Variants in BRSK1 observed in about 807,000 individuals in gnomAD.
BRSK1 encodes the protein BR serine/threonine kinase 1.
In BRSK1, 17 loss-of-function variants were observed where a neutral mutation model predicts 86.2. That is an observed-to-expected ratio of 0.20 (90% CI 0.14 to 0.30). The LOEUF (loss-of-function observed/expected upper bound fraction) is 0.30. Ranked by LOEUF, BRSK1 falls within the 10% of genes least tolerant of loss-of-function variation. The pLI is 1.00. For synonymous variants in BRSK1, 464 were observed against 440.1 expected, an observed-to-expected ratio of 1.05 and a Z score of -0.68; for missense variants, 719 against 1,071.9, an observed-to-expected ratio of 0.67 and a Z score of 4.60.
chr19:55,307,564 AAAG>A (rs1796956171), intron 17 of BRSK1, among the ~76,000 whole-genome samples: 1 of 149,482 alleles, frequency 6.7e-6, no homozygotes, highest in African/African-American at 2.5e-5. Flanking sequence ...AAAAAAAAAA[AAAG>A]GCTAATATGC....
chr19:55,304,918 A>G lies in BRSK1; in HGVS notation c.1715A>G (p.Gln572Arg), dbSNP rs1187399984. 2 of 1,607,068 alleles carry G rather than the reference A, an allele frequency of 1.2e-6. No homozygotes were observed. The highest frequency in any genetic ancestry group is 1.7e-6 in the Non-Finnish European group (2 of 1,179,682). The change falls in exon 14 of 19, where the codon CAG becomes CGG. Residue 572 changes from glutamine (Q) to arginine (R), a missense_variant and splice_region_variant. By Grantham distance (43) the Gln-to-Arg change is conservative (BLOSUM62 1). Transcript: ENST00000309383. The surrounding 1 kb of genome is among the most constrained non-coding windows in gnomAD (Gnocchi z 5.2). ...CCTCGCTTTCACCGGCGCAAGATGC[A>G]GGGTATGGGGGCATGAACTGCCGAG... The part of the protein sequence containing the change: ...GSPRFHRRKM[Q>R]VPTAEEMSSL...
chr19:55,289,686 T>C (rs2088375520), intron 4 of BRSK1, 66 bp downstream of exon 4: 1 of 1,568,606 alleles, frequency 6.4e-7, no homozygotes, highest in Admixed American at 1.9e-5. Flanking sequence ...CTTGGGGGCA[T>C]GTGGAGGGCT....
At position 55,284,117 on chromosome 19, in the gene BRSK1, C is replaced by T; in HGVS notation, c.-326C>T. ...GGGGGGGACCTCGGCCTGCAGCATC[C>T]GCCGGCCCGCACCTCAGACCCCCCC... On this transcript the variant is annotated 5_prime_UTR_variant, in exon 1 of 19. Transcript: ENST00000309383. 1 of 1,197,150 alleles carries T rather than the reference C, an allele frequency of 8.4e-7. No homozygotes were observed. The allele number at this position is 1,197,150 out of a possible 1,614,324, so 74.2% of individuals were successfully genotyped here. A position where few individuals can be genotyped will look rare whatever the true frequency, so the allele number is the denominator to read the frequency against.
chr19:55,311,821 C>T (rs2088803900), intron 18 of BRSK1, 90 bp from the exon 19 acceptor site: 3 of 1,390,112 alleles, frequency 2.2e-6, no homozygotes, highest in Non-Finnish European at 3.0e-6. Context: ...CTGAGACCGA[C>T]TGATGAGGAG....
rs749498500 is a variant in BRSK1 at position 55,294,266 on chromosome 19, G to T, written c.609+19G>T. 1.9e-6 allele frequency: 3 copies of T among 1,614,170 alleles called. 1 individual carries two copies. Among genetic ancestry groups the T allele is most frequent in the Non-Finnish European group, 2.5e-6 (3 of 1,180,022 alleles). Reference sequence around the variant, plus strand: ...GATTAAGGTGAGTGAGGGGCGGATAGAGGGGAGAGGGGTGGAGGCAGCAGT... The same window carrying T: ...GATTAAGGTGAGTGAGGGGCGGATATAGGGGAGAGGGGTGGAGGCAGCAGT... On this transcript the variant is annotated intron_variant, in intron 6 of 18. Coordinates refer to ENST00000309383, the MANE Select transcript of BRSK1 (RefSeq NM_032430.2). The surrounding 1 kb of genome is among the most constrained non-coding windows in gnomAD (Gnocchi z 4.9).
intron 7 of BRSK1, among the ~76,000 whole-genome samples, chr19:55,296,705 G>A (rs964066561): frequency 3.9e-5 from 6 of 152,210 alleles, no homozygotes; most frequent in East Asian, 3.9e-4. Context: ...AAAATTAGCC[G>A]GGAGTGGTGG....
Position 55,284,329 on chromosome 19 carries a change from G to C in BRSK1, c.-114G>C. ...GCCCCCTGGGGACCCCCGGAGAGGT[G>C]GGGGGCAGCCGGGGGGGCCGGGACG... On this transcript the variant is annotated 5_prime_UTR_variant, in exon 1 of 19. Coordinates refer to ENST00000309383, the MANE Select transcript of BRSK1 (RefSeq NM_032430.2). 1.1e-6 allele frequency: 1 copy of C among 881,468 alleles called. No homozygotes were observed. The allele number at this position is 881,468 out of a possible 1,614,324, so 54.6% of individuals were successfully genotyped here. A position where few individuals can be genotyped will look rare whatever the true frequency, so the allele number is the denominator to read the frequency against.
At chr19:55,292,332 A>G (rs1306730286) in intron 4 of BRSK1, among the ~76,000 whole-genome samples, 2 of 152,180 alleles carry the variant, frequency 1.3e-5, no homozygotes, top group Admixed American at 1.3e-4. Context: ...AAAATAGCTC[A>G]CTTTGTACAT....
In BRSK1 at chr19:55,304,804, C is replaced by A; in HGVS notation, c.1601C>A (p.Thr534Lys). 6.4e-7 allele frequency: 1 copy of A among 1,574,428 alleles called. No individual in the cohort carries two copies. The highest frequency in any genetic ancestry group is 8.6e-7 in the Non-Finnish European group (1 of 1,163,838). ...GCCAGTCCCACCGGGACCCCGGGGA[C>A]AACACCACCCCCCAGCCCCGGCGGT... is the stretch of plus-strand genomic sequence containing the variant. ...PRASPTGTPG[T>K]TPPPSPGGGV... Residue 534 changes from threonine (T) to lysine (K), a missense_variant, in exon 14 of 19, where the codon ACA becomes AAA. By Grantham distance (78) the Thr-to-Lys change is moderately conservative. Transcript: ENST00000309383. The surrounding 1 kb of genome is among the most constrained non-coding windows in gnomAD (Gnocchi z 5.2).
At chr19:55,286,984 A>G (rs1394894496) in intron 1 of BRSK1, 23 bp from the exon 2 acceptor site, 1 of 1,612,788 alleles carries the variant, frequency 6.2e-7, no homozygotes, top group African/African-American at 1.3e-5. Flanking sequence ...GGAACACCCC[A>G]CATTTTCACC....
At chr19:55,285,115 G>T (rs985509676) in intron 1 of BRSK1, among the ~76,000 whole-genome samples, 17 of 150,258 alleles carry the variant, frequency 1.1e-4, no homozygotes, top group African/African-American at 4.2e-4. Flanking sequence ...AGGGACTGCG[G>T]TCCTGGACTT....
chr19:55,300,375 T>G (rs1330648610), intron 7 of BRSK1, among the ~76,000 whole-genome samples: 1 of 152,108 alleles, frequency 6.6e-6, no homozygotes, highest in Non-Finnish European at 1.5e-5. Flanking sequence ...TTGCCTGAGG[T>G]CATGCAGGTA....
At chr19:55,305,071 T>G in intron 14 of BRSK1, 151 bp downstream of exon 14, 1 of 1,309,870 alleles carries the variant, frequency 7.6e-7, no homozygotes, top group South Asian at 1.4e-5. Context: ...GAAGCAGAGG[T>G]GCACCTGTTG....
chr19:55,303,616 C>T lies in BRSK1; in HGVS notation c.1127-51C>T. 3 of 1,563,048 alleles carry T rather than the reference C, an allele frequency of 1.9e-6. No individual in the cohort carries two copies. Among genetic ancestry groups the T allele is most frequent in the Non-Finnish European group, 2.6e-6 (3 of 1,152,460 alleles). ...GTGTGCAGTTTCTGAGGCAGTTGTA[C>T]ACAGCTGGGTGAAACCATCTCTTGA... On this transcript the variant is annotated intron_variant, in intron 11 of 18. Coordinates refer to ENST00000309383, the MANE Select transcript of BRSK1 (RefSeq NM_032430.2). This position sits in a 1 kb window ranked among gnomAD's most constrained non-coding sequence, Gnocchi z 5.1.
chr19:55,311,855 T>C, intron 18 of BRSK1, 56 bp from the exon 19 acceptor site: 1 of 1,582,782 alleles, frequency 6.3e-7, no homozygotes, highest in Non-Finnish European at 8.6e-7. Context: ...CCCCTGGTAA[T>C]GGGAACCCCA....
intron 7 of BRSK1, among the ~76,000 whole-genome samples, chr19:55,299,637 T>G (rs941734577): frequency 6.6e-6 from 1 of 152,126 alleles, no homozygotes; most frequent in Non-Finnish European, 1.5e-5. Context: ...CCTCGCCCCT[T>G]GGCCTCCCAA....
chr19:55,284,489 A>ACCAACCCCCCC lies in BRSK1; in HGVS notation c.49_50insAACCCCCCCCC (p.Leu17GlnfsTer53). The ACCAACCCCCCC allele has an allele frequency of 5.2e-6, 4 of 764,820 alleles. No individual in the cohort carries two copies. Among genetic ancestry groups the ACCAACCCCCCC allele is most frequent in the African/African-American group, 1.9e-5 (1 of 53,072 alleles). The allele number at this position is 764,820 out of a possible 1,614,324, so 47.4% of individuals were successfully genotyped here. A position where few individuals can be genotyped will look rare whatever the true frequency, so the allele number is the denominator to read the frequency against. On this transcript the variant is annotated frameshift_variant, in exon 1 of 19. Coordinates refer to ENST00000309383, the MANE Select transcript of BRSK1 (RefSeq NM_032430.2). LOFTEE classifies it high-confidence loss of function. ...GGAGGTGGGGGCTCTCCCGCCTACC[A>ACCAACCCCCCC]CCTCCCCCACCCCCACCCCCACCCA...
Position 55,302,270 on chromosome 19 carries a change from A to G in BRSK1, c.857+102A>G. On this transcript the variant is annotated intron_variant, in intron 9 of 18. Coordinates refer to ENST00000309383, the MANE Select transcript of BRSK1 (RefSeq NM_032430.2). This position sits in a 1 kb window ranked among gnomAD's most constrained non-coding sequence, Gnocchi z 6.3. Reference sequence around the variant, plus strand: ...GGGGTGGGATGCCAGGGTTCCTGAGAGGCAACGGGCTAGGGACTCGGACTT... The same window carrying G: ...GGGGTGGGATGCCAGGGTTCCTGAGGGGCAACGGGCTAGGGACTCGGACTT... 7.3e-7 allele frequency: 1 copy of G among 1,371,374 alleles called. No homozygotes were observed. The highest frequency in any genetic ancestry group is 1.2e-5 in the South Asian group (1 of 86,172). 85.0% of individuals were successfully genotyped at this position (1,371,374 alleles called of 1,614,324 possible).
At chr19:55,308,538 G>C (rs920077223) in intron 17 of BRSK1, 101 bp from the exon 18 acceptor site, 15 of 797,362 alleles carry the variant, frequency 1.9e-5, no homozygotes, top group Admixed American at 5.3e-5. Flanking sequence ...ATGCAGGGGG[G>C]GTGTTGTGTG....
Sources: allele counts gnomAD v4.1 joint callset (sites outside exome capture counted in the v4.1 genomes callset), GRCh38; gene constraint gnomAD v4.1.1; non-coding constraint Gnocchi (gnomAD v3.1); transcripts MANE v1.5; gene names NCBI Gene and HGNC (gene_info 2026-07-23, HGNC 2026-07-21).